The following SPATA13 variants were observed in gnomAD, a reference collection of about 807,000 sequenced individuals.
SPATA13 encodes the protein spermatogenesis associated 13.
A neutral mutation model predicts 104.0 loss-of-function variants in SPATA13; 50 were observed. The observed-to-expected ratio is 0.48, with a 90% CI of 0.38 to 0.61. The LOEUF (loss-of-function observed/expected upper bound fraction) is 0.61. Among genes scored for constraint, SPATA13 ranks in the 20% least tolerant of loss-of-function variants. The pLI, the probability that SPATA13 is intolerant of heterozygous loss-of-function variation, is 0.00. For synonymous variants in SPATA13, 606 were observed against 667.5 expected (o/e 0.91, Z 1.42); for missense variants, 1,524 against 1,690.6 (o/e 0.90, Z 1.73).
intron 1 of SPATA13, among the ~76,000 whole-genome samples, chr13:24,186,723 A>G (rs913512221): frequency 6.6e-6 from 1 of 152,170 alleles, no homozygotes; most frequent in African/African-American, 2.4e-5. Context: ...TACAGGTTTG[A>G]GAGGGAAGTG....
chr13:24,163,457 G>A (rs189705406), intron 1 of SPATA13, among the ~76,000 whole-genome samples: 5 of 152,252 alleles, frequency 3.3e-5, no homozygotes, highest in Admixed American at 2.0e-4. Context: ...GTCTCCTCCC[G>A]TGCATTGAGA....
At chr13:24,219,130 A>G (rs1428873437) in intron 1 of SPATA13, among the ~76,000 whole-genome samples, 2 of 152,130 alleles carry the variant, frequency 1.3e-5, no homozygotes, top group African/African-American at 4.8e-5. Context: ...TATCTCTGGC[A>G]GAGTTCCCAC....
chr13:24,249,893 T>A (rs1193439911), intron 3 of SPATA13, 51 bp downstream of exon 3: 16 of 1,536,178 alleles, frequency 1.0e-5, no homozygotes, highest in Non-Finnish European at 1.1e-5. Flanking sequence ...TCCAGCTTCC[T>A]GCCTCTATTC....
At chr13:24,162,087 G>A (rs926241852) in intron 1 of SPATA13, among the ~76,000 whole-genome samples, 5 of 151,734 alleles carry the variant, frequency 3.3e-5, no homozygotes, top group African/African-American at 1.2e-4. Flanking sequence ...CACCCTCCCT[G>A]TTCTCTGCCC....
intron 4 of SPATA13, among the ~76,000 whole-genome samples, chr13:24,276,252 A>C (rs557292072): frequency 3.3e-5 from 5 of 152,354 alleles, no homozygotes; most frequent in African/African-American, 1.2e-4. Context: ...CTCACAATGG[A>C]ATATTTTTGG....
chr13:24,207,478 T>C (rs542930371), intron 1 of SPATA13, among the ~76,000 whole-genome samples: 2 of 152,284 alleles, frequency 1.3e-5, no homozygotes, highest in South Asian at 4.1e-4. Context: ...AATAGTTCTG[T>C]GTTTGAGTTT....
chr13:24,169,738 A>G (rs1304509718), intron 1 of SPATA13, among the ~76,000 whole-genome samples: 1 of 152,200 alleles, frequency 6.6e-6, no homozygotes, highest in Non-Finnish European at 1.5e-5. Context: ...AGGTGAGGGA[A>G]GAAGGTAACC....
intron 3 of SPATA13, among the ~76,000 whole-genome samples, chr13:24,113,996 C>A (rs941272134): frequency 6.6e-6 from 1 of 151,786 alleles, no homozygotes; most frequent in African/African-American, 2.4e-5. Context: ...TTTGATCTTT[C>A]ATACAGATTA....
chr13:24,209,999 G>T (rs1414525311), intron 1 of SPATA13, among the ~76,000 whole-genome samples: 2 of 152,068 alleles, frequency 1.3e-5, no homozygotes, highest in Non-Finnish European at 2.9e-5. Flanking sequence ...AGTTTGATTT[G>T]CATTTCCCTG....
At chr13:24,128,523 C>T (rs1276149396) in intron 3 of SPATA13, among the ~76,000 whole-genome samples, 2 of 152,066 alleles carry the variant, frequency 1.3e-5, no homozygotes, top group Non-Finnish European at 2.9e-5. Context: ...CCAGGTCATG[C>T]TTCTCAGGCC....
intron 2 of SPATA13, among the ~76,000 whole-genome samples, chr13:24,006,534 G>A (rs1876238865): frequency 1.3e-5 from 2 of 152,222 alleles, no homozygotes; most frequent in Admixed American, 6.5e-5. Flanking sequence ...ACGAGGTGCG[G>A]CAGAGGAGCG....
intron 2 of SPATA13, among the ~76,000 whole-genome samples, chr13:24,012,509 A>G (rs1383703632): frequency 1.3e-5 from 2 of 152,238 alleles, no homozygotes; most frequent in African/African-American, 2.4e-5. Context: ...GAGGACAAGC[A>G]TATGGCAATT....
chr13:24,069,478 G>A (rs1879084102), intron 3 of SPATA13, among the ~76,000 whole-genome samples: 1 of 152,152 alleles, frequency 6.6e-6, no homozygotes, highest in Admixed American at 6.5e-5. Flanking sequence ...TTTGCATCCT[G>A]AGACATTGTT....
intron 9 of SPATA13, among the ~76,000 whole-genome samples, chr13:24,292,046 G>A (rs1362182686): frequency 2.0e-5 from 3 of 152,216 alleles, no homozygotes; most frequent in East Asian, 1.9e-4. Context: ...GTGAGCCACC[G>A]CGCCCGGCCT....
chr13:24,286,363 G>A lies in SPATA13; in HGVS notation c.2451G>A (p.Lys817=). The part of the protein sequence containing the change: ...KDWWWGRSED[K]EAWFPASFVR... ...GGTGGTGGGGCCGCAGTGAAGATAA[G>A]GAAGCCTGGTTCCCCGCGAGCTTCG... Residue 817 remains lysine (K), a synonymous_variant, in exon 6 of 13, where the codon AAG becomes AAA. Coordinates refer to ENST00000382108, the MANE Select transcript of SPATA13 (RefSeq NM_001166271.3). This position sits in a 1 kb window ranked among gnomAD's most constrained non-coding sequence, Gnocchi z 4.9. 3 of 1,612,818 alleles carry A rather than the reference G, an allele frequency of 1.9e-6. No homozygotes were observed. The highest frequency in any genetic ancestry group is 2.5e-6 in the Non-Finnish European group (3 of 1,180,018).
chr13:24,160,878 A>T lies in SPATA13; in HGVS notation c.-166A>T, dbSNP rs1882444746. ...CGGCACCGGAGGTGGCTCTGAGGGC[A>T]GGGACGTGTTGGACACGCTGACTTT... On this transcript the variant is annotated 5_prime_UTR_variant, in exon 1 of 13. Coordinates refer to ENST00000382108, the MANE Select transcript of SPATA13 (RefSeq NM_001166271.3). 8 of 984,776 alleles carry T rather than the reference A, an allele frequency of 8.1e-6. No individual in the cohort carries two copies. The South Asian group carries it at 2.3e-4, about 29-fold the overall frequency. 61.0% of individuals were successfully genotyped at this position (984,776 alleles called of 1,614,324 possible).
intron 3 of SPATA13, among the ~76,000 whole-genome samples, chr13:24,125,481 A>G (rs1881178706): frequency 6.6e-6 from 1 of 152,128 alleles, no homozygotes. Flanking sequence ...CAGCATACAG[A>G]ATACACATGA....
intron 3 of SPATA13, among the ~76,000 whole-genome samples, chr13:24,027,935 T>G (rs1304713855): frequency 2.0e-5 from 3 of 152,224 alleles, no homozygotes; most frequent in Non-Finnish European, 4.4e-5. Context: ...TAAACATCAT[T>G]AGCCATGTAA....
intron 1 of SPATA13, among the ~76,000 whole-genome samples, chr13:24,191,506 T>A (rs1355213080): frequency 9.5e-6 from 1 of 105,636 alleles, no homozygotes; most frequent in Admixed American, 9.5e-5. Flanking sequence ...GCTTTCTTTT[T>A]TTTTTTTTTT....
Sources: gnomAD v4.1 joint callset for allele counts (sites outside exome capture counted in the v4.1 genomes callset) on GRCh38, gnomAD v4.1.1 for gene constraint, Gnocchi (gnomAD v3.1) non-coding constraint, MANE v1.5 for transcripts, NCBI Gene and HGNC (gene_info 2026-07-23, HGNC 2026-07-21) for gene names.